The following CTNNA2 variants were observed in gnomAD, a reference collection of about 807,000 sequenced individuals.
CTNNA2 encodes the protein catenin alpha 2.
CTNNA2 carries 42 observed loss-of-function variants against 101.0 expected under a neutral mutation model. The observed-to-expected ratio is 0.42, with a 90% confidence interval of 0.32 to 0.54. The LOEUF is 0.54. Ranked by LOEUF, CTNNA2 falls within the 20% of genes least tolerant of loss-of-function variation. The probability of loss-of-function intolerance (pLI) is 0.14; values close to 1 mark genes in which losing one functional copy is unlikely to be tolerated. For missense variants in CTNNA2, 871 were observed against 1,223.1 expected, an observed-to-expected ratio of 0.71 and a Z score of 4.29; for synonymous variants, 450 against 456.4, an observed-to-expected ratio of 0.99 and a Z score of 0.18.
chr2:80,028,898 TTAGCTTACC>T (rs1695111262), intron 7 of CTNNA2, among the ~76,000 whole-genome samples: 1 of 152,228 alleles, frequency 6.6e-6, no homozygotes, highest in South Asian at 2.1e-4. Flanking sequence ...CACCTGGATT[TTAGCTTACC>T]TAGACCTGTT....
intron 7 of CTNNA2, among the ~76,000 whole-genome samples, chr2:80,034,858 A>G (rs1695548691): frequency 6.6e-6 from 1 of 152,212 alleles, no homozygotes; most frequent in Admixed American, 6.5e-5. Context: ...CTGTAGAAGA[A>G]GTCTGTTTAG....
rs1673038156 is a variant in CTNNA2, at chr2:79,764,948, G to A, written c.298+20366G>A. Reference sequence around the variant, plus strand: ...GCTGACAACCGGGTAGGATTGCTTGGAATTCAGTATGCATATGTGTTAGAA... The same window carrying A: ...GCTGACAACCGGGTAGGATTGCTTGAAATTCAGTATGCATATGTGTTAGAA... On this transcript the variant is annotated intron_variant, in intron 3 of 18. Transcript: ENST00000402739. Among the ~76,000 whole-genome samples, 4 of 152,276 alleles carry A rather than the reference G, an allele frequency of 2.6e-5. No individual in the cohort carries two copies. In the South Asian group the frequency reaches 8.3e-4, roughly 32 times the overall value.
chr2:80,390,293 A>G (rs1677388375), intron 7 of CTNNA2, among the ~76,000 whole-genome samples: 1 of 152,132 alleles, frequency 6.6e-6, no homozygotes, highest in Non-Finnish European at 1.5e-5. Context: ...ATCTTTCTGC[A>G]CAGTTTTTGG....
chr2:80,502,947 A>G (rs941361544), intron 9 of CTNNA2, among the ~76,000 whole-genome samples: 2 of 152,184 alleles, frequency 1.3e-5, no homozygotes, highest in Non-Finnish European at 2.9e-5. Flanking sequence ...CTGGAAGATA[A>G]GTTGAGCCCA....
At chr2:79,244,368 T>A (rs1442440648) in intron 2 of CTNNA2, among the ~76,000 whole-genome samples, 2 of 152,212 alleles carry the variant, frequency 1.3e-5, no homozygotes, top group Admixed American at 1.3e-4. Context: ...ACTGTGCTCT[T>A]CCCTTGAATG....
chr2:79,321,724 G>A (rs1250195595), intron 3 of CTNNA2, among the ~76,000 whole-genome samples: 3 of 152,198 alleles, frequency 2.0e-5, no homozygotes, highest in Non-Finnish European at 4.4e-5. Context: ...ACCTTCGTGA[G>A]TTAGAGAGCA....
At chr2:79,480,813 T>A (rs1454194274) in intron 4 of CTNNA2, among the ~76,000 whole-genome samples, 2 of 152,176 alleles carry the variant, frequency 1.3e-5, no homozygotes, top group Non-Finnish European at 2.9e-5. Context: ...AAGATATGAA[T>A]AACAATTTTC....
At chr2:79,813,416 A>G (rs145062365) in intron 3 of CTNNA2, among the ~76,000 whole-genome samples, 36 of 152,316 alleles carry the variant, frequency 2.4e-4, no homozygotes, top group African/African-American at 8.7e-4. Flanking sequence ...TTCAAGATCC[A>G]TTTTACAGAT....
intron 7 of CTNNA2, among the ~76,000 whole-genome samples, chr2:80,057,803 G>C (rs1324306691): frequency 6.6e-6 from 1 of 152,136 alleles, no homozygotes; most frequent in Admixed American, 6.5e-5. Flanking sequence ...GATTTCTTTT[G>C]TGTATTTTGG....
chr2:79,663,333 A>G (rs1283296305), intron 2 of CTNNA2, among the ~76,000 whole-genome samples: 1 of 152,234 alleles, frequency 6.6e-6, no homozygotes, highest in Non-Finnish European at 1.5e-5. Flanking sequence ...TCATTCTCTT[A>G]AGAATCTGCA....
intron 3 of CTNNA2, among the ~76,000 whole-genome samples, chr2:79,787,631 G>A (rs987103066): frequency 4.6e-5 from 7 of 152,046 alleles, no homozygotes; most frequent in African/African-American, 1.7e-4. Context: ...ATGTTGGCAG[G>A]CTGGTTCCTT....
chr2:79,397,623 T>G (rs1006127914), intron 4 of CTNNA2, among the ~76,000 whole-genome samples: 8 of 152,124 alleles, frequency 5.3e-5, no homozygotes, highest in African/African-American at 1.9e-4. Context: ...TTCATCTCTA[T>G]GCAACTGGCT....
intron 4 of CTNNA2, among the ~76,000 whole-genome samples, chr2:79,455,889 A>G (rs1415285305): frequency 6.6e-6 from 1 of 152,116 alleles, no homozygotes; most frequent in East Asian, 1.9e-4. Flanking sequence ...TGAATTATAG[A>G]TTTTTTTAGG....
intron 3 of CTNNA2, among the ~76,000 whole-genome samples, chr2:79,834,638 A>AT (rs11326752): frequency 1.3e-5 from 2 of 151,714 alleles, no homozygotes; most frequent in African/African-American, 4.8e-5. Context: ...TTTATGTACT[A>AT]TTTTTTGCAA....
At chr2:79,343,098 A>T (rs1677175759) in intron 3 of CTNNA2, among the ~76,000 whole-genome samples, 1 of 152,224 alleles carries the variant, frequency 6.6e-6, no homozygotes, top group Non-Finnish European at 1.5e-5. Context: ...GTTATTCATT[A>T]TAGAATGTTT....
At chr2:79,442,661 C>A (rs762717570) in intron 4 of CTNNA2, among the ~76,000 whole-genome samples, 1 of 152,078 alleles carries the variant, frequency 6.6e-6, no homozygotes, top group Admixed American at 6.6e-5. Context: ...ATAAAATCAC[C>A]AATTCCTTTC....
chr2:80,347,393 C>T (rs930197386), intron 7 of CTNNA2, among the ~76,000 whole-genome samples: 1 of 151,342 alleles, frequency 6.6e-6, no homozygotes, highest in South Asian at 2.1e-4. Flanking sequence ...GTAGAGATTT[C>T]GAAGAAAACT....
intron 3 of CTNNA2, among the ~76,000 whole-genome samples, chr2:79,749,571 C>A (rs559102969): frequency 6.6e-6 from 1 of 151,716 alleles, no homozygotes; most frequent in Non-Finnish European, 1.5e-5. Context: ...TTATGTATTT[C>A]TTTCTTCTCC....
At chr2:80,617,648 A>G (rs920525404) in intron 17 of CTNNA2, among the ~76,000 whole-genome samples, 5 of 151,730 alleles carry the variant, frequency 3.3e-5, no homozygotes, top group African/African-American at 1.2e-4. Flanking sequence ...TGAAAAATGG[A>G]CATGATGTTG....
Sources: gnomAD v4.1 joint callset for allele counts (sites outside exome capture counted in the v4.1 genomes callset) on GRCh38, gnomAD v4.1.1 for gene constraint, MANE v1.5 for transcripts, NCBI Gene and HGNC (gene_info 2026-07-23, HGNC 2026-07-21) for gene names.